PTPRM: variants seen among roughly 807,000 people sequenced by gnomAD.
PTPRM encodes receptor-type tyrosine-protein phosphatase mu.
In PTPRM, 47 loss-of-function variants were observed where a neutral mutation model predicts 186.7. The ratio of observed to expected loss-of-function variants is 0.25; its 90% CI spans 0.20 to 0.32. The LOEUF is 0.32. Among genes scored for constraint, PTPRM ranks in the 10% least tolerant of loss-of-function variants. The pLI is 1.00. For synonymous variants in PTPRM, 668 were observed against 674.9 expected, an observed-to-expected ratio of 0.99 and a Z score of 0.16; for missense variants, 1,494 against 1,865.0, an observed-to-expected ratio of 0.80 and a Z score of 3.66.
chr18:8,238,672 T>G (rs9963781), intron 14 of PTPRM, among the ~76,000 whole-genome samples: 2,167 of 140,284 alleles, frequency 0.015, 100 homozygotes, highest in African/African-American at 0.054. Flanking sequence ...TTTTTTTTTT[T>G]TTTTTTTTTT....
At chr18:8,096,144 T>C (rs2091006077) in intron 11 of PTPRM, among the ~76,000 whole-genome samples, 1 of 152,182 alleles carries the variant, frequency 6.6e-6, no homozygotes, top group Non-Finnish European at 1.5e-5. Context: ...CACCTCTGGT[T>C]ACTAAAAGCT....
chr18:7,725,649 C>T (rs1183307703), intron 1 of PTPRM, among the ~76,000 whole-genome samples: 1 of 151,158 alleles, frequency 6.6e-6, no homozygotes, highest in Non-Finnish European at 1.5e-5. Flanking sequence ...AAAGAAGCAG[C>T]TTAACCTCGG....
intron 2 of PTPRM, among the ~76,000 whole-genome samples, chr18:7,828,021 A>G (rs892852341): frequency 2.6e-5 from 4 of 152,250 alleles, no homozygotes; most frequent in African/African-American, 9.6e-5. Flanking sequence ...CTGAATCAGC[A>G]ATGGCTGATA....
rs1175136425 is a variant in PTPRM at position 7,795,041 on chromosome 18, T to C, written c.196+20770T>C. On this transcript the variant is annotated intron_variant, in intron 2 of 32. Transcript: ENST00000580170. ...ATATTTAAAAGATGCTCTTCTCTCG[T>C]CAAAAGATCAAAGTTGTAGAGCACT... 3.9e-5 allele frequency among the ~76,000 whole-genome samples: 6 copies of C among 152,304 alleles called. No homozygotes were observed. In the East Asian group the frequency reaches 1.2e-3, roughly 29 times the overall value.
intron 1 of PTPRM, among the ~76,000 whole-genome samples, chr18:7,626,217 T>C (rs2038058773): frequency 6.6e-6 from 1 of 152,212 alleles, no homozygotes; most frequent in Non-Finnish European, 1.5e-5. Context: ...CAAGATTATT[T>C]CCATATACCA....
intron 14 of PTPRM, among the ~76,000 whole-genome samples, chr18:8,189,037 G>A (rs1353305860): frequency 1.3e-5 from 2 of 151,994 alleles, no homozygotes; most frequent in East Asian, 3.9e-4. Flanking sequence ...TGGGCGTGGT[G>A]GCTCACACCT....
intron 2 of PTPRM, among the ~76,000 whole-genome samples, chr18:7,815,982 A>G (rs907261223): frequency 2.0e-5 from 3 of 152,220 alleles, no homozygotes; most frequent in Non-Finnish European, 4.4e-5. Context: ...AAGAGAGTCT[A>G]ATTTAACAGG....
intron 7 of PTPRM, among the ~76,000 whole-genome samples, chr18:8,016,800 G>A (rs1343220863): frequency 6.6e-6 from 1 of 152,142 alleles, no homozygotes; most frequent in Non-Finnish European, 1.5e-5. Flanking sequence ...TTAAAAGAAC[G>A]TCTATCTATC....
intron 14 of PTPRM, among the ~76,000 whole-genome samples, chr18:8,214,393 C>G (rs995532476): frequency 2.6e-5 from 4 of 152,124 alleles, no homozygotes; most frequent in Non-Finnish European, 5.9e-5. Flanking sequence ...AATTTCTGAA[C>G]CACAGCTTTG....
At position 7,788,183 on chromosome 18, in the gene PTPRM, G is replaced by C. The variant is rs183729949; in HGVS notation, c.196+13912G>C. ...AAGCATTGCAAAAGACTATCCCTGA[G>C]TGTTAGGGTTTTCTTTTTCTTTTTG... On this transcript the variant is annotated intron_variant, in intron 2 of 32. Transcript: ENST00000580170. Among the ~76,000 whole-genome samples, 483 of 152,282 alleles carry C rather than the reference G, an allele frequency of 3.2e-3. 1 individual carries two copies. The highest frequency in any genetic ancestry group is 0.01 in the African/African-American group (431 of 41,566).
intron 14 of PTPRM, among the ~76,000 whole-genome samples, chr18:8,201,395 A>G (rs1437711499): frequency 6.6e-6 from 1 of 152,228 alleles, no homozygotes; most frequent in Non-Finnish European, 1.5e-5. Flanking sequence ...TTTCTTTTTC[A>G]GGTGATAATT....
intron 14 of PTPRM, among the ~76,000 whole-genome samples, chr18:8,172,909 G>A (rs2093425949): frequency 6.6e-6 from 1 of 152,244 alleles, no homozygotes; most frequent in African/African-American, 2.4e-5. Flanking sequence ...GATGATGCAT[G>A]AAACAATGTT....
chr18:7,839,001 G>A (rs1206072481), intron 2 of PTPRM, among the ~76,000 whole-genome samples: 5 of 152,142 alleles, frequency 3.3e-5, no homozygotes, highest in African/African-American at 7.2e-5. Flanking sequence ...CTCCCTTCTG[G>A]CCCAAAGGGC....
intron 1 of PTPRM, among the ~76,000 whole-genome samples, chr18:7,771,759 G>A (rs1243281376): frequency 6.6e-6 from 1 of 152,212 alleles, no homozygotes; most frequent in East Asian, 1.9e-4. Context: ...CAGAGCCTTG[G>A]AGGCAGATGT....
At chr18:7,920,465 G>GA (rs2050794641) in intron 4 of PTPRM, among the ~76,000 whole-genome samples, 4 of 151,874 alleles carry the variant, frequency 2.6e-5, no homozygotes, top group African/African-American at 9.7e-5. Flanking sequence ...ACAGAAAAAT[G>GA]AAAAAAATGC....
chr18:8,064,375 C>CT (rs2088884165), intron 7 of PTPRM, among the ~76,000 whole-genome samples: 1 of 112,940 alleles, frequency 8.9e-6, no homozygotes, highest in Non-Finnish European at 2.0e-5. Context: ...TTCTGTAAGA[C>CT]TATTTTTTTT....
chr18:7,638,614 C>T (rs1195676502), intron 1 of PTPRM, among the ~76,000 whole-genome samples: 1 of 152,122 alleles, frequency 6.6e-6, no homozygotes, highest in Admixed American at 6.5e-5. Flanking sequence ...TCTTCTGAGG[C>T]AAAAACATGA....
intron 1 of PTPRM, among the ~76,000 whole-genome samples, chr18:7,636,878 G>A (rs2038326366): frequency 2.0e-5 from 3 of 152,102 alleles, no homozygotes; most frequent in Admixed American, 2.0e-4. Context: ...AATTAAAAGT[G>A]TAATTCAGGC....
At chr18:8,321,952 A>G (rs2095348439) in intron 22 of PTPRM, among the ~76,000 whole-genome samples, 1 of 152,198 alleles carries the variant, frequency 6.6e-6, no homozygotes, top group Non-Finnish European at 1.5e-5. Context: ...TGGCATGGAC[A>G]GGTAGAATAT....
Sources: gnomAD v4.1 joint callset for allele counts (sites outside exome capture counted in the v4.1 genomes callset) on GRCh38, gnomAD v4.1.1 for gene constraint, MANE v1.5 for transcripts, NCBI Gene and HGNC (gene_info 2026-07-23, HGNC 2026-07-21) for gene names.